The following CPA3 variants were observed in gnomAD, a reference collection of about 807,000 sequenced individuals.
CPA3 encodes mast cell carboxypeptidase A.
A neutral mutation model predicts 55.8 loss-of-function variants in CPA3; 52 were observed. The observed-to-expected ratio is 0.93, with a 90% CI of 0.75 to 1.17. CPA3 has a LOEUF of 1.17. Ranked by LOEUF, CPA3 falls within the 50% of genes most tolerant of loss-of-function variation. The probability of loss-of-function intolerance (pLI) is 0.00; values close to 1 mark genes in which losing one functional copy is unlikely to be tolerated. For missense variants in CPA3, 547 were observed against 509.1 expected, an observed-to-expected ratio of 1.07 and a Z score of -0.72; for synonymous variants, 179 against 171.2, an observed-to-expected ratio of 1.05 and a Z score of -0.36.
chr3:148,877,952 T>C (rs990411372), intron 3 of CPA3, among the ~76,000 whole-genome samples: 10 of 152,142 alleles, frequency 6.6e-5, no homozygotes, highest in Non-Finnish European at 1.2e-4. Context: ...GGGAGTACTA[T>C]AGCAGTACAA....
chr3:148,884,438 G>A (rs1243617325), intron 9 of CPA3, among the ~76,000 whole-genome samples: 2 of 152,172 alleles, frequency 1.3e-5, no homozygotes, highest in Non-Finnish European at 2.9e-5. Flanking sequence ...GTGAATGGGT[G>A]CATAGAGGGA....
chr3:148,868,331 A>G (rs1245660436), intron 2 of CPA3, among the ~76,000 whole-genome samples: 3 of 152,150 alleles, frequency 2.0e-5, no homozygotes, highest in Non-Finnish European at 4.4e-5. Context: ...GACCTATTTC[A>G]CAATCTTCAC....
At chr3:148,876,839 TAAATA>T (rs879367470) in intron 3 of CPA3, among the ~76,000 whole-genome samples, 1 of 152,074 alleles carries the variant, frequency 6.6e-6, no homozygotes, top group Non-Finnish European at 1.5e-5. Context: ...CCAGACAAAA[TAAATA>T]AAATACTTGC....
intron 10 of CPA3, among the ~76,000 whole-genome samples, chr3:148,891,755 T>G (rs1432770157): frequency 6.6e-6 from 1 of 152,158 alleles, no homozygotes; most frequent in African/African-American, 2.4e-5. Context: ...AGAATAGCCA[T>G]GCCCTTTAAC....
Position 148,886,093 on chromosome 3 carries a change from G to C in CPA3, c.982G>C (p.Ala328Pro). 1 of 1,610,968 alleles carries C rather than the reference G, an allele frequency of 6.2e-7. No homozygotes were observed. Among genetic ancestry groups the C allele is most frequent in the Non-Finnish European group, 8.5e-7 (1 of 1,177,628 alleles). The change falls in exon 10 of 11, where the codon GCC becomes CCC. Residue 328 changes from alanine to proline, a missense_variant and splice_region_variant. Coordinates refer to ENST00000296046, the MANE Select transcript of CPA3 (RefSeq NM_001870.4). ...SKLPPNHEDLAKVAKIGTDVL... is the reference protein window; with the variant it reads ...SKLPPNHEDLPKVAKIGTDVL... ...CACTCTAACTTTCCTTTCTCTCCAG[G>C]CCAAAGTTGCAAAGATTGGCACTGA...
chr3:148,896,254 C>A (rs996590563), intron 10 of CPA3, among the ~76,000 whole-genome samples: 1 of 152,150 alleles, frequency 6.6e-6, no homozygotes, highest in Non-Finnish European at 1.5e-5. Flanking sequence ...CCATCTGCAA[C>A]AATGTGTGCC....
chr3:148,879,054 G>T (rs1048438252), intron 5 of CPA3, among the ~76,000 whole-genome samples: 1 of 152,082 alleles, frequency 6.6e-6, no homozygotes, highest in African/African-American at 2.4e-5. Flanking sequence ...CCCTTAAAAT[G>T]CAGTGAAACT....
chr3:148,879,955 C>A, intron 6 of CPA3, 66 bp downstream of exon 6: 3 of 1,088,058 alleles, frequency 2.8e-6, no homozygotes, highest in Non-Finnish European at 4.2e-6. Context: ...CACTAAGTGG[C>A]GACATCTTTC....
chr3:148,883,702 A>T lies in CPA3; in HGVS notation c.868A>T (p.Ile290Phe). ...AGAGACGAAAGCTGTCACTAATTTCATTAGAAGCCACCTGAATGAAATCAA... is the reference window on the plus strand; with the variant it reads ...AGAGACGAAAGCTGTCACTAATTTCTTTAGAAGCCACCTGAATGAAATCAA... ...EKETKAVTNF[I>F]RSHLNEIKVY... Residue 290 changes from isoleucine to phenylalanine, a missense_variant, in exon 9 of 11, where the codon ATT (isoleucine) becomes TTT (phenylalanine). Physicochemically the swap from Ile to Phe is conservative, Grantham distance 21. Transcript: ENST00000296046. 6.2e-7 allele frequency: 1 copy of T among 1,614,086 alleles called. No individual in the cohort carries two copies.
At chr3:148,877,112 G>A (rs536779651) in intron 3 of CPA3, among the ~76,000 whole-genome samples, 1 of 152,326 alleles carries the variant, frequency 6.6e-6, no homozygotes, top group Non-Finnish European at 1.5e-5. Flanking sequence ...GAGTTCAGAG[G>A]AGAGTCAAGT....
At chr3:148,871,332 G>A (rs964415190) in intron 3 of CPA3, among the ~76,000 whole-genome samples, 1 of 152,152 alleles carries the variant, frequency 6.6e-6, no homozygotes, top group Non-Finnish European at 1.5e-5. Flanking sequence ...TAGTGGTGTG[G>A]CCAAATTTTA....
intron 8 of CPA3, among the ~76,000 whole-genome samples, 171 bp from the exon 9 acceptor site, chr3:148,883,442 T>C (rs1714428602): frequency 6.6e-6 from 1 of 152,230 alleles, no homozygotes; most frequent in Non-Finnish European, 1.5e-5. Context: ...CTGGCATGTG[T>C]GTGCAATGTT....
Position 148,873,377 on chromosome 3 carries a change from G to GCACACACA in CPA3, c.269+4354_269+4361dup, listed in dbSNP as rs35303662. ...CCAGTGCATGCACGCGCGCACACGCGCACACACACACACACACACACACCC... is the reference window on the plus strand; with the variant it reads ...CCAGTGCATGCACGCGCGCACACGCGCACACACACACACACACACACACACACACACCC... On this transcript the variant is annotated intron_variant, in intron 3 of 10. Coordinates refer to ENST00000296046, the MANE Select transcript of CPA3 (RefSeq NM_001870.4). 2.1e-5 allele frequency among the ~76,000 whole-genome samples: 3 copies of GCACACACA among 146,024 alleles called. No homozygotes were observed. In the East Asian group the frequency reaches 6.0e-4, roughly 29 times the overall value.
chr3:148,882,645 G>A (rs756542652), intron 8 of CPA3, 50 bp downstream of exon 8: 31 of 1,460,914 alleles, frequency 2.1e-5, no homozygotes, highest in Non-Finnish European at 2.1e-5. Flanking sequence ...GAATATTTAG[G>A]TCCCAAACTT....
At chr3:148,866,065 C>T (rs1292137767) in intron 2 of CPA3, among the ~76,000 whole-genome samples, 1 of 152,202 alleles carries the variant, frequency 6.6e-6, no homozygotes. Context: ...TATTCAGCTG[C>T]TCCTATTTAT....
At chr3:148,882,310 T>C (rs1401790472) in intron 7 of CPA3, among the ~76,000 whole-genome samples, 195 bp from the exon 8 acceptor site, 2 of 152,218 alleles carry the variant, frequency 1.3e-5, no homozygotes, top group African/African-American at 4.8e-5. Context: ...AAGGATATAA[T>C]ATTAAAAACC....
At chr3:148,869,141 C>A in intron 3 of CPA3, 102 bp downstream of exon 3, 1 of 1,337,882 alleles carries the variant, frequency 7.5e-7, no homozygotes, top group Non-Finnish European at 1.0e-6. Flanking sequence ...ATTGGGCCCC[C>A]CAGAACGAAA....
intron 6 of CPA3, 153 bp from the exon 7 acceptor site, chr3:148,881,369 T>A: frequency 1.8e-6 from 1 of 564,038 alleles, no homozygotes; most frequent in Non-Finnish European, 3.2e-6. Flanking sequence ...CTTTAAACTA[T>A]ATGGATTGTT....
At chr3:148,878,603 G>C (rs1444346092) in intron 4 of CPA3, 44 bp from the exon 5 acceptor site, 1 of 1,569,498 alleles carries the variant, frequency 6.4e-7, no homozygotes, top group Non-Finnish European at 8.7e-7. Flanking sequence ...TTGTCATTTT[G>C]TTTTCTTTTA....
Sources: gnomAD v4.1 joint callset for allele counts (sites outside exome capture counted in the v4.1 genomes callset) on GRCh38, gnomAD v4.1.1 for gene constraint, MANE v1.5 for transcripts, NCBI Gene and HGNC (gene_info 2026-07-23, HGNC 2026-07-21) for gene names.